Variants in ITPR2 observed in about 807,000 individuals in gnomAD.
ITPR2 encodes inositol 1,4,5-trisphosphate receptor type 2, also known as inositol 1,4,5-trisphosphate-gated calcium channel ITPR2.
A neutral mutation model predicts 317.1 loss-of-function variants in ITPR2; 207 were observed. The observed-to-expected ratio is 0.65, with a 90% CI of 0.58 to 0.73. ITPR2 has a LOEUF of 0.73. Among genes scored for constraint, ITPR2 ranks in the 30% least tolerant of loss-of-function variants. The probability of loss-of-function intolerance (pLI) is 0.00; values close to 1 mark genes in which losing one functional copy is unlikely to be tolerated. For synonymous variants in ITPR2, 1,156 were observed against 1,149.1 expected, an observed-to-expected ratio of 1.01 and a Z score of -0.12; for missense variants, 2,613 against 3,284.0, an observed-to-expected ratio of 0.80 and a Z score of 4.99.
Position 26,584,539 on chromosome 12 carries a change from C to G in ITPR2, c.4381-4384G>C, listed in dbSNP as rs76539458. 9.9e-3 allele frequency among the ~76,000 whole-genome samples: 1,500 copies of G among 152,230 alleles called. 29 individuals carry two copies. The highest frequency in any genetic ancestry group is 0.035 in the African/African-American group (1,437 of 41,536). ...TGCTCTAAAAGTGACTGCTACCCTTCCAAGGATGATCGTCTATGGTAAATA... is the reference window on the plus strand; with the variant it reads ...TGCTCTAAAAGTGACTGCTACCCTTGCAAGGATGATCGTCTATGGTAAATA... On this transcript the variant is annotated intron_variant, in intron 32 of 56. Coordinates refer to ENST00000381340, the MANE Select transcript of ITPR2 (RefSeq NM_002223.4).
At chr12:26,815,053 G>A (rs752136621) in intron 1 of ITPR2, among the ~76,000 whole-genome samples, 6 of 152,192 alleles carry the variant, frequency 3.9e-5, no homozygotes, top group Non-Finnish European at 7.3e-5. Flanking sequence ...CCAATAGAAT[G>A]GGACTCTAAG....
chr12:26,457,170 G>A (rs114712343), intron 45 of ITPR2, among the ~76,000 whole-genome samples: 135 of 152,284 alleles, frequency 8.9e-4, no homozygotes, highest in African/African-American at 3.2e-3. Flanking sequence ...AGCGGAGGAC[G>A]GAAGCAATGA....
intron 52 of ITPR2, among the ~76,000 whole-genome samples, chr12:26,410,021 AATATGGATC>A (rs1464840186): frequency 6.6e-6 from 1 of 152,202 alleles, no homozygotes; most frequent in Non-Finnish European, 1.5e-5. Flanking sequence ...GAGTCAGCCA[AATATGGATC>A]AAGAGTGTGA....
In ITPR2 at chr12:26,787,331, AG is replaced by A. The variant is rs557189974; in HGVS notation, c.163+2825del. The stretch of plus-strand genomic sequence containing the variant: ...TCTAAAACTGGAGGTAGAAAATGAG[AG>A]TAAACCAGCAAGGATAATGACCTCA... On this transcript the variant is annotated intron_variant, in intron 2 of 56. Transcript: ENST00000381340. Among the ~76,000 whole-genome samples, 68 of 152,364 alleles carry A rather than the reference AG, an allele frequency of 4.5e-4. No individual in the cohort carries two copies. The South Asian group carries it at 9.5e-3, about 21-fold the overall frequency.
At chr12:26,380,438 C>A (rs10771281) in intron 55 of ITPR2, among the ~76,000 whole-genome samples, 71,844 of 151,968 alleles carry the variant, frequency 0.47, 18,068 homozygotes, top group Non-Finnish European at 0.56. Flanking sequence ...CTGGACTTAA[C>A]ATGTGGGAAG....
chr12:26,750,435 C>A (rs753943778), intron 2 of ITPR2, among the ~76,000 whole-genome samples: 4 of 152,186 alleles, frequency 2.6e-5, no homozygotes, highest in Non-Finnish European at 5.9e-5. Context: ...GCCAGAGAGC[C>A]ATCTCTAAGC....
intron 21 of ITPR2, among the ~76,000 whole-genome samples, chr12:26,633,132 A>C (rs910549862): frequency 1.3e-4 from 12 of 95,616 alleles, no homozygotes; most frequent in African/African-American, 7.1e-4. Flanking sequence ...AGATGGGATG[A>C]GATTTTTATT....
At chr12:26,538,195 TC>T (rs1185042472) in intron 37 of ITPR2, among the ~76,000 whole-genome samples, 2 of 152,218 alleles carry the variant, frequency 1.3e-5, no homozygotes, top group African/African-American at 4.8e-5. Context: ...TGGGCAAGTT[TC>T]TTAACCTTTC....
At chr12:26,472,159 G>T (rs1270924070) in intron 45 of ITPR2, among the ~76,000 whole-genome samples, 1 of 152,190 alleles carries the variant, frequency 6.6e-6, no homozygotes, top group Non-Finnish European at 1.5e-5. Flanking sequence ...GCAAGGAAAT[G>T]ACTCCTTGTG....
In ITPR2 at chr12:26,706,091, C is replaced by T. The variant is rs570630808; in HGVS notation, c.951+5082G>A. Among the ~76,000 whole-genome samples the T allele has an allele frequency of 3.2e-4, 48 of 152,318 alleles. No individual in the cohort carries two copies. In the South Asian group the frequency reaches 9.7e-3, roughly 31 times the overall value. ...ATTTCTTCTAGTCACTTCACCAAGG[C>T]TCCAGAGCAGTGCTGCCCACCACAA... On this transcript the variant is annotated intron_variant, in intron 9 of 56. Coordinates refer to ENST00000381340, the MANE Select transcript of ITPR2 (RefSeq NM_002223.4).
intron 45 of ITPR2, among the ~76,000 whole-genome samples, chr12:26,448,740 A>G (rs1941670732): frequency 6.6e-6 from 1 of 152,176 alleles, no homozygotes; most frequent in Admixed American, 6.6e-5. Context: ...TGTTGAAGAC[A>G]AAAGGAAAAT....
chr12:26,485,985 T>C, intron 41 of ITPR2, 119 bp downstream of exon 41: 1 of 1,098,840 alleles, frequency 9.1e-7, no homozygotes. Flanking sequence ...GGAGCACTAT[T>C]GCTTTTATTG....
intron 37 of ITPR2, among the ~76,000 whole-genome samples, chr12:26,515,808 C>T (rs1293737410): frequency 6.6e-6 from 1 of 151,568 alleles, no homozygotes; most frequent in Non-Finnish European, 1.5e-5. Context: ...GGAGAAAAGG[C>T]AAGGTCAGAA....
At chr12:26,629,909 G>T (rs991888579) in intron 22 of ITPR2, among the ~76,000 whole-genome samples, 2 of 152,198 alleles carry the variant, frequency 1.3e-5, no homozygotes, top group Admixed American at 6.5e-5. Context: ...AGGTGCCAAG[G>T]ATCTCAATCC....
At chr12:26,526,229 G>A (rs1025813111) in intron 37 of ITPR2, among the ~76,000 whole-genome samples, 1 of 152,178 alleles carries the variant, frequency 6.6e-6, no homozygotes, top group Non-Finnish European at 1.5e-5. Flanking sequence ...AATAAATGTT[G>A]TAATAGAGAA....
In ITPR2 at chr12:26,654,048, G is replaced by A. The variant is rs1043435317; in HGVS notation, c.2668C>T (p.Leu890=). The A allele has an allele frequency of 5.2e-6, 8 of 1,536,086 alleles. No homozygotes were observed. Among genetic ancestry groups the A allele is most frequent in the Non-Finnish European group, 6.2e-6 (7 of 1,133,612 alleles). The change falls in exon 21 of 57, where the codon CTG becomes TTG. Residue 890 remains leucine, a synonymous_variant. Transcript: ENST00000381340. ...SELLRLTRTL[L]AILDIVQAPM... ...GCCTGTACAATGTCTAAAATAGCCA[G>A]AAGTGTTCTTGTTAGCCTTAATAAC...
chr12:26,567,997 T>TATATTATATATA (rs1284996609), intron 34 of ITPR2, among the ~76,000 whole-genome samples: 1 of 4,804 alleles, frequency 2.1e-4, no homozygotes, highest in Admixed American at 9.5e-4. Context: ...TATATATATA[T>TATATTATATATA]TATATATATT....
chr12:26,507,903 G>A (rs1943234110), intron 37 of ITPR2, among the ~76,000 whole-genome samples: 1 of 151,282 alleles, frequency 6.6e-6, no homozygotes, highest in African/African-American at 2.4e-5. Flanking sequence ...GTATGTCAGT[G>A]TGTATGTGTG....
intron 7 of ITPR2, 123 bp downstream of exon 7, chr12:26,715,629 T>C (rs1948727434): frequency 1.3e-6 from 1 of 762,152 alleles, no homozygotes; most frequent in East Asian, 2.6e-5. Flanking sequence ...TTAGAGTAAG[T>C]ATTAACATGT....
Sources: allele counts gnomAD v4.1 joint callset (sites outside exome capture counted in the v4.1 genomes callset), GRCh38; gene constraint gnomAD v4.1.1; transcripts MANE v1.5; gene names NCBI Gene and HGNC (gene_info 2026-07-23, HGNC 2026-07-21).